The following VPS13B variants were observed in gnomAD, a reference collection of about 807,000 sequenced individuals.
The protein encoded by VPS13B is intermembrane lipid transfer protein VPS13B.
In VPS13B, 285 loss-of-function variants were observed where a neutral mutation model predicts 426.4. The observed-to-expected ratio is 0.67, with a 90% CI of 0.61 to 0.74. The LOEUF is 0.74. Ranked by LOEUF, VPS13B falls within the 30% of genes least tolerant of loss-of-function variation. The probability of loss-of-function intolerance (pLI) is 0.00; values close to 1 mark genes in which losing one functional copy is unlikely to be tolerated. For synonymous variants in VPS13B, 1,676 were observed against 1,676.4 expected (o/e 1.00, Z 0.01); for missense variants, 4,537 against 4,782.6 (o/e 0.95, Z 1.51).
At chr8:99,707,427 A>C (rs565345029) in intron 36 of VPS13B, among the ~76,000 whole-genome samples, 2 of 152,330 alleles carry the variant, frequency 1.3e-5, no homozygotes, top group Admixed American at 1.3e-4. Flanking sequence ...AAATCACACC[A>C]CATGAATATG....
At chr8:99,175,524 C>CT (rs1450134293) in intron 16 of VPS13B, among the ~76,000 whole-genome samples, 1 of 152,142 alleles carries the variant, frequency 6.6e-6, no homozygotes, top group Non-Finnish European at 1.5e-5. Flanking sequence ...GCTCACGCCT[C>CT]TAATTCCAGC....
intron 28 of VPS13B, chr8:99,507,774 G>C (rs745991073): frequency 1.2e-6 from 2 of 1,613,892 alleles, no homozygotes; most frequent in South Asian, 2.2e-5. Context: ...TTCAAGCCTT[G>C]GGGAAGAGTG....
chr8:99,581,028 C>CAT (rs1444190522), intron 33 of VPS13B, among the ~76,000 whole-genome samples: 8 of 144,840 alleles, frequency 5.5e-5, no homozygotes, highest in African/African-American at 2.1e-4. Context: ...CACACACACA[C>CAT]ACAAATTAGG....
At position 99,641,997 on chromosome 8, in the gene VPS13B, A is replaced by G. The variant is rs1829389144; in HGVS notation, c.5407A>G (p.Ile1803Val). The change falls in exon 34 of 62, where the codon ATT becomes GTT. Residue 1803 changes from isoleucine (I) to valine (V), a missense_variant. Transcript: ENST00000357162. ...TGCCCGTCCCTCACGCCAGTCATCAATTGTAAAAAATCTAAATTTTATTCC... is the reference window on the plus strand; with the variant it reads ...TGCCCGTCCCTCACGCCAGTCATCAGTTGTAAAAAATCTAAATTTTATTCC... ...RIARPSRQSS[I>V]VKNLNFIPFD... The G allele has an allele frequency of 6.2e-7, 1 of 1,614,136 alleles. No homozygotes were observed. Among genetic ancestry groups the G allele is most frequent in the Admixed American group, 1.7e-5 (1 of 59,998 alleles).
chr8:99,333,584 A>G (rs989102170), intron 19 of VPS13B, among the ~76,000 whole-genome samples: 2 of 151,902 alleles, frequency 1.3e-5, no homozygotes, highest in African/African-American at 4.8e-5. Flanking sequence ...ACCTACCACC[A>G]TAGTCAAGAT....
At chr8:99,086,838 C>T (rs534224660) in intron 3 of VPS13B, among the ~76,000 whole-genome samples, 40 of 152,238 alleles carry the variant, frequency 2.6e-4, no homozygotes, top group Middle Eastern at 3.4e-3. Flanking sequence ...AGAGGAGTAC[C>T]GGGCTGTGTG....
chr8:99,270,405 T>A (rs1256634724), intron 17 of VPS13B, among the ~76,000 whole-genome samples: 1 of 151,806 alleles, frequency 6.6e-6, no homozygotes, highest in African/African-American at 2.4e-5. Context: ...TCCCAAAGTG[T>A]TGGGATTACA....
intron 45 of VPS13B, 95 bp from the exon 46 acceptor site, chr8:99,818,356 T>C (rs967620266): frequency 9.3e-6 from 12 of 1,291,940 alleles, no homozygotes; most frequent in Non-Finnish European, 1.3e-5. Flanking sequence ...CTTTAAACTC[T>C]TTTTAATCTT....
At chr8:99,647,391 G>A (rs868710392) in intron 34 of VPS13B, among the ~76,000 whole-genome samples, 4 of 151,480 alleles carry the variant, frequency 2.6e-5, no homozygotes, top group South Asian at 2.1e-4. Context: ...GTTAAACCCC[G>A]TCTCTACAAA....
chr8:99,742,824 C>T (rs568836963), intron 39 of VPS13B, among the ~76,000 whole-genome samples: 8 of 152,238 alleles, frequency 5.3e-5, no homozygotes, highest in African/African-American at 1.7e-4. Context: ...TGGGACGTAT[C>T]TCAAAATAAT....
chr8:99,643,412 A>T (rs541210001), intron 34 of VPS13B, among the ~76,000 whole-genome samples: 1 of 152,338 alleles, frequency 6.6e-6, no homozygotes, highest in East Asian at 1.9e-4. Context: ...CATTCTTGCC[A>T]TTAAGAAGGA....
At chr8:99,136,847 T>A in intron 12 of VPS13B, 95 bp downstream of exon 12, 1 of 1,172,812 alleles carries the variant, frequency 8.5e-7, no homozygotes, top group Non-Finnish European at 1.3e-6. Context: ...TGTACTCTGC[T>A]ACATAAGATT....
chr8:99,255,055 GT>G (rs576028550), intron 17 of VPS13B, among the ~76,000 whole-genome samples: 1 of 149,002 alleles, frequency 6.7e-6, no homozygotes, highest in Non-Finnish European at 1.5e-5. Context: ...TTTTTTCCCT[GT>G]TTTTTTTTCT....
intron 17 of VPS13B, among the ~76,000 whole-genome samples, chr8:99,211,843 T>G (rs1815105524): frequency 6.6e-6 from 1 of 152,210 alleles, no homozygotes; most frequent in African/African-American, 2.4e-5. Flanking sequence ...CACGAGTTTC[T>G]TTTGGAGAAC....
At chr8:99,425,639 C>T (rs1816655587) in intron 21 of VPS13B, among the ~76,000 whole-genome samples, 1 of 152,144 alleles carries the variant, frequency 6.6e-6, no homozygotes, top group African/African-American at 2.4e-5. Flanking sequence ...GGAAGCATTC[C>T]CTTTGAAAAC....
Position 99,271,836 on chromosome 8 carries a change from T to C in VPS13B, c.2516-2362T>C, listed in dbSNP as rs780776438. 3.3e-4 allele frequency among the ~76,000 whole-genome samples: 50 copies of C among 152,202 alleles called. 1 individual carries two copies. The highest frequency in any genetic ancestry group is 3.2e-3 in the Middle Eastern group (1 of 316). ...AACAGCATGAGGGAAACTGCTCCCATAATCCAGTTACTTCCCACCTGGTTC... is the reference window on the plus strand; with the variant it reads ...AACAGCATGAGGGAAACTGCTCCCACAATCCAGTTACTTCCCACCTGGTTC... On this transcript the variant is annotated intron_variant, in intron 17 of 61. Transcript: ENST00000357162.
intron 19 of VPS13B, among the ~76,000 whole-genome samples, chr8:99,374,846 C>G (rs1208224123): frequency 6.6e-6 from 1 of 152,154 alleles, no homozygotes; most frequent in African/African-American, 2.4e-5. Flanking sequence ...GCTTAGTTCT[C>G]CTGATACACC....
intron 30 of VPS13B, among the ~76,000 whole-genome samples, chr8:99,548,377 A>G (rs1203398440): frequency 5.3e-5 from 8 of 152,164 alleles, no homozygotes; most frequent in African/African-American, 1.9e-4. Flanking sequence ...GAAAAAATAA[A>G]TTATTTGTGA....
At chr8:99,457,002 T>C (rs1226234799) in intron 23 of VPS13B, among the ~76,000 whole-genome samples, 4 of 152,190 alleles carry the variant, frequency 2.6e-5, no homozygotes, top group Admixed American at 1.3e-4. Context: ...TCTTCCTTCT[T>C]TAGTCAGTTA....
Sources: gnomAD v4.1 joint callset for allele counts (sites outside exome capture counted in the v4.1 genomes callset) on GRCh38, gnomAD v4.1.1 for gene constraint, MANE v1.5 for transcripts, NCBI Gene and HGNC (gene_info 2026-07-23, HGNC 2026-07-21) for gene names.